Variants in USH2A observed in about 807,000 individuals in gnomAD.
The protein encoded by USH2A is Usher syndrome 2A (autosomal recessive, mild).
A neutral mutation model predicts 538.9 loss-of-function variants in USH2A; 443 were observed. That is an observed-to-expected ratio of 0.82 (90% confidence interval 0.76 to 0.89). USH2A has a LOEUF of 0.89. USH2A is among the 40% of genes least tolerant of loss of function. The probability of loss-of-function intolerance (pLI) is 0.00; values close to 1 mark genes in which losing one functional copy is unlikely to be tolerated. For synonymous variants in USH2A, 2,413 were observed against 2,273.5 expected (o/e 1.06, Z -1.75); for missense variants, 6,633 against 6,324.8 (o/e 1.05, Z -1.65).
chr1:215,771,567 G>A (rs546393254), intron 55 of USH2A, among the ~76,000 whole-genome samples: 4 of 85,730 alleles, frequency 4.7e-5, no homozygotes, highest in African/African-American at 1.4e-4. Flanking sequence ...GCGACAGAGC[G>A]AGACTCCGTC....
intron 38 of USH2A, among the ~76,000 whole-genome samples, chr1:215,909,889 C>A (rs555088037): frequency 6.6e-6 from 1 of 151,912 alleles, no homozygotes; most frequent in African/African-American, 2.4e-5. Context: ...GACTCCTAAG[C>A]TTCTGGTCTA....
intron 21 of USH2A, among the ~76,000 whole-genome samples, chr1:216,101,701 T>G (rs1300462259): frequency 6.6e-6 from 1 of 152,244 alleles, no homozygotes; most frequent in Non-Finnish European, 1.5e-5. Flanking sequence ...AATTTAGACT[T>G]TGATTTTCAA....
At chr1:215,738,178 C>T (rs1327496271) in intron 60 of USH2A, among the ~76,000 whole-genome samples, 1 of 151,966 alleles carries the variant, frequency 6.6e-6, no homozygotes, top group African/African-American at 2.4e-5. Context: ...AGATTTTTGC[C>T]ATTTGCAAGG....
At chr1:216,274,301 T>G (rs2036628318) in intron 11 of USH2A, among the ~76,000 whole-genome samples, 1 of 152,140 alleles carries the variant, frequency 6.6e-6, no homozygotes. Flanking sequence ...AGAAATAGAC[T>G]GGTTTCAGCA....
intron 12 of USH2A, 28 bp downstream of exon 12, chr1:216,250,875 T>A (rs751314199): frequency 2.0e-5 from 32 of 1,610,614 alleles, no homozygotes; most frequent in Non-Finnish European, 2.7e-5. Context: ...AATAGAGATG[T>A]GACTGTAAAC....
intron 35 of USH2A, among the ~76,000 whole-genome samples, chr1:215,979,939 G>A (rs748056165): frequency 3.3e-5 from 5 of 152,120 alleles, no homozygotes; most frequent in South Asian, 2.1e-4. Context: ...ATTGTTCTGT[G>A]TCTTGATTAT....
intron 18 of USH2A, among the ~76,000 whole-genome samples, chr1:216,197,784 C>A (rs544759676): frequency 3.1e-4 from 47 of 152,040 alleles, no homozygotes; most frequent in African/African-American, 1.1e-3. Flanking sequence ...GATATGTTGT[C>A]CTCCTTCCTT....
intron 21 of USH2A, among the ~76,000 whole-genome samples, chr1:216,158,765 G>C (rs1459321573): frequency 6.6e-6 from 1 of 152,120 alleles, no homozygotes; most frequent in African/African-American, 2.4e-5. Context: ...CTGGGATTTT[G>C]AGAGGGACTA....
rs727504652 is a variant in USH2A, at chr1:216,199,854, C to A, written c.3584G>T (p.Cys1195Phe). The A allele has an allele frequency of 9.9e-6, 16 of 1,614,042 alleles. No individual in the cohort carries two copies. The highest frequency in any genetic ancestry group is 1.4e-5 in the Non-Finnish European group (16 of 1,180,014). The change falls in exon 17 of 72, where the codon TGT becomes TTT. Residue 1195 changes from cysteine to phenylalanine, a missense_variant. Coordinates refer to ENST00000307340, the MANE Select transcript of USH2A (RefSeq NM_206933.4). ...SCAPLAGGQP[C>F]VSYEGHETSA... Reference sequence around the variant, plus strand: ...GGTTTCATGACCTTCGTAGGAAACACATGGCTGACCACCAGCCAAAGGGGC... The same window carrying A: ...GGTTTCATGACCTTCGTAGGAAACAAATGGCTGACCACCAGCCAAAGGGGC...
intron 32 of USH2A, among the ~76,000 whole-genome samples, chr1:216,043,868 G>A (rs1008467261): frequency 6.6e-6 from 1 of 152,040 alleles, no homozygotes; most frequent in Non-Finnish European, 1.5e-5. Flanking sequence ...TTAGGCGCAT[G>A]GAAGGGGTCT....
At chr1:216,284,968 T>C (rs1306701612) in intron 11 of USH2A, among the ~76,000 whole-genome samples, 2 of 152,114 alleles carry the variant, frequency 1.3e-5, no homozygotes, top group African/African-American at 4.8e-5. Flanking sequence ...ATTTAGGGTA[T>C]CTAGTGGAAG....
chr1:215,731,051 T>C (rs1659980730), intron 60 of USH2A, among the ~76,000 whole-genome samples: 1 of 152,264 alleles, frequency 6.6e-6, no homozygotes, highest in Non-Finnish European at 1.5e-5. Flanking sequence ...CTATTTTGTC[T>C]AGCTTCAGCC....
chr1:215,674,341 T>C lies in USH2A; in HGVS notation c.13570A>G (p.Lys4524Glu), dbSNP rs1248014764. The C allele has an allele frequency of 3.1e-6, 5 of 1,613,892 alleles. No homozygotes were observed. Among genetic ancestry groups the C allele is most frequent in the South Asian group, 1.1e-5 (1 of 91,068 alleles). The stretch of plus-strand genomic sequence containing the variant: ...GGTGCTGAGGGGCTGGTTCGATCTT[T>C]GACAAGAGGACTCAAAATACCCCCT... ...SQGGILSPLV[K>E]DRTSPSAPSG... Residue 4524 changes from lysine (K) to glutamate (E), a missense_variant, in exon 63 of 72, where the codon AAA becomes GAA. Transcript: ENST00000307340.
At chr1:216,220,237 G>A (rs556621684) in intron 14 of USH2A, among the ~76,000 whole-genome samples, 42 of 151,786 alleles carry the variant, frequency 2.8e-4, no homozygotes, top group African/African-American at 1.0e-3. Flanking sequence ...TCCTCTCTAT[G>A]GGGCCTCAGC....
chr1:216,165,760 GA>G (rs1435438836), intron 21 of USH2A, among the ~76,000 whole-genome samples: 1 of 150,384 alleles, frequency 6.6e-6, no homozygotes, highest in Admixed American at 6.6e-5. Flanking sequence ...GCATGAAAAA[GA>G]TAGTCATAAT....
At chr1:215,690,608 C>A (rs1215473516) in intron 61 of USH2A, among the ~76,000 whole-genome samples, 1 of 152,120 alleles carries the variant, frequency 6.6e-6, no homozygotes, top group Non-Finnish European at 1.5e-5. Flanking sequence ...TGTTCAGTCT[C>A]CCTGACTGAA....
At chr1:216,023,156 A>G (rs558194782) in intron 32 of USH2A, among the ~76,000 whole-genome samples, 1 of 152,186 alleles carries the variant, frequency 6.6e-6, no homozygotes, top group East Asian at 1.9e-4. Context: ...ATCTAGGAAA[A>G]TTCAAGATAA....
At chr1:216,274,101 T>A (rs2036624984) in intron 11 of USH2A, among the ~76,000 whole-genome samples, 2 of 152,090 alleles carry the variant, frequency 1.3e-5, no homozygotes, top group Non-Finnish European at 2.9e-5. Context: ...CTTTAATACT[T>A]GCTACCTACT....
At chr1:215,651,807 G>A (rs1332644627) in intron 64 of USH2A, among the ~76,000 whole-genome samples, 1 of 152,226 alleles carries the variant, frequency 6.6e-6, no homozygotes, top group Non-Finnish European at 1.5e-5. Context: ...ATCTTCAAGA[G>A]AAGAAACATT....
Sources: allele counts gnomAD v4.1 joint callset (sites outside exome capture counted in the v4.1 genomes callset), GRCh38; gene constraint gnomAD v4.1.1; transcripts MANE v1.5; gene names NCBI Gene and HGNC (gene_info 2026-07-23, HGNC 2026-07-21).